Variants in SUCLG1 observed in about 807,000 individuals in gnomAD.
The protein encoded by SUCLG1 is succinate--CoA ligase [ADP/GDP-forming] subunit alpha, mitochondrial.
A neutral mutation model predicts 37.3 loss-of-function variants in SUCLG1; 26 were observed. The ratio of observed to expected loss-of-function variants is 0.70; its 90% CI spans 0.51 to 0.97. The LOEUF (loss-of-function observed/expected upper bound fraction) is 0.97, where lower values mean the gene tolerates loss of function less well. Among genes scored for constraint, SUCLG1 ranks in the 50% least tolerant of loss-of-function variants. The probability of loss-of-function intolerance (pLI) is 0.00; values close to 1 mark genes in which losing one functional copy is unlikely to be tolerated. For missense variants in SUCLG1, 433 were observed against 432.9 expected (o/e 1.00, Z 0.00); for synonymous variants, 163 against 155.6 (o/e 1.05, Z -0.36).
chr2:84,444,590 G>A (rs1672821181), intron 2 of SUCLG1, among the ~76,000 whole-genome samples: 1 of 152,176 alleles, frequency 6.6e-6, no homozygotes, highest in African/African-American at 2.4e-5. Flanking sequence ...AGCACGCATT[G>A]CATTGATAAT....
intron 5 of SUCLG1, among the ~76,000 whole-genome samples, chr2:84,437,159 T>C (rs1672699877): frequency 6.6e-6 from 1 of 152,216 alleles, no homozygotes; most frequent in African/African-American, 2.4e-5. Flanking sequence ...ATTGAGAAGA[T>C]TAGGTGGATA....
intron 2 of SUCLG1, among the ~76,000 whole-genome samples, chr2:84,446,956 T>C (rs551668897): frequency 7.9e-5 from 12 of 152,282 alleles, no homozygotes; most frequent in Middle Eastern, 3.4e-3. Flanking sequence ...CCTAAAGTAG[T>C]GCTAAACAGG....
At position 84,433,355 on chromosome 2, in the gene SUCLG1, C is replaced by T. The variant is rs533146473; in HGVS notation, c.670G>A (p.Val224Ile). Residue 224 changes from valine (V) to isoleucine (I), a missense_variant, in exon 6 of 9, where the codon GTT becomes ATT. Physicochemically the swap from Val to Ile is conservative, Grantham distance 29. Transcript: ENST00000393868. ...GATTTTAGCAAAAGTCCCTCACCAACGCACAAAGACTGCCCCAATCCAACT... is the reference window on the plus strand; with the variant it reads ...GATTTTAGCAAAAGTCCCTCACCAATGCACAAAGACTGCCCCAATCCAACT... ...TQVGLGQSLC[V>I]GIGGDPFNGT... is the part of the protein sequence containing the mutation. 1.1e-5 allele frequency: 18 copies of T among 1,613,832 alleles called. No individual in the cohort carries two copies. The highest frequency in any genetic ancestry group is 1.1e-4 in the East Asian group (5 of 44,868).
chr2:84,453,437 C>T (rs1313812227), intron 1 of SUCLG1, among the ~76,000 whole-genome samples: 3 of 149,176 alleles, frequency 2.0e-5, no homozygotes, highest in African/African-American at 4.9e-5. Flanking sequence ...TTTTTTGAGA[C>T]GTTGTTTTAC....
At chr2:84,445,954 C>T (rs988198092) in intron 2 of SUCLG1, among the ~76,000 whole-genome samples, 2 of 152,252 alleles carry the variant, frequency 1.3e-5, no homozygotes, top group Admixed American at 6.5e-5. Flanking sequence ...ATCAGAATCC[C>T]GTACCTGCCT....
In SUCLG1 at chr2:84,453,699, G is replaced by A. The variant is rs376858958; in HGVS notation, c.98-3947C>T. On this transcript the variant is annotated intron_variant, in intron 1 of 8. Transcript: ENST00000393868. ...CCCAAAGTGCTGGGATTACAGGCAGGAGCCACCATGCCCAGCCGAAAATAA... is the reference window on the plus strand; with the variant it reads ...CCCAAAGTGCTGGGATTACAGGCAGAAGCCACCATGCCCAGCCGAAAATAA... Among the ~76,000 whole-genome samples, 20 of 152,298 alleles carry A rather than the reference G, an allele frequency of 1.3e-4. No homozygotes were observed. In the East Asian group the frequency reaches 3.9e-3, roughly 29 times the overall value.
chr2:84,459,108 G>T (rs1673102575), intron 1 of SUCLG1, 65 bp downstream of exon 1: 1 of 1,488,304 alleles, frequency 6.7e-7, no homozygotes, highest in Admixed American at 2.1e-5. Context: ...GCCTGGGCCA[G>T]GAGGTTGGGT....
intron 3 of SUCLG1, 95 bp downstream of exon 3, chr2:84,443,189 C>T (rs1338103302): frequency 1.8e-6 from 2 of 1,100,484 alleles, no homozygotes; most frequent in Non-Finnish European, 2.8e-6. Flanking sequence ...TAGCAAGTGA[C>T]TCTACCAAAA....
At chr2:84,456,794 G>C (rs1673027649) in intron 1 of SUCLG1, among the ~76,000 whole-genome samples, 1 of 152,154 alleles carries the variant, frequency 6.6e-6, no homozygotes, top group African/African-American at 2.4e-5. Flanking sequence ...CTCCTGAGTA[G>C]CTGGGATTAC....
At position 84,448,183 on chromosome 2, in the gene SUCLG1, A is replaced by C. The variant is rs13010189; in HGVS notation, c.201+1466T>G. Among the ~76,000 whole-genome samples the C allele has an allele frequency of 4.1e-3, 570 of 138,102 alleles. 2 individuals carry two copies. Among genetic ancestry groups the C allele is most frequent in the Non-Finnish European group, 7.4e-3 (476 of 64,166 alleles). 90.6% of individuals were successfully genotyped at this position (138,102 alleles called of 152,430 possible). A position where few individuals can be genotyped will look rare whatever the true frequency, so the allele number is the denominator to read the frequency against. ...TCAGTTATTTCAGAAAAAAAAAAAAACAAAAAACAAAAAACAAAAAGCAAA... is the reference window on the plus strand; with the variant it reads ...TCAGTTATTTCAGAAAAAAAAAAAACCAAAAAACAAAAAACAAAAAGCAAA... On this transcript the variant is annotated intron_variant, in intron 2 of 8. Transcript: ENST00000393868.
chr2:84,441,812 C>T (rs1032185301), intron 3 of SUCLG1, among the ~76,000 whole-genome samples: 7 of 151,968 alleles, frequency 4.6e-5, no homozygotes, highest in African/African-American at 1.7e-4. Context: ...AAACTCTGTT[C>T]AAGATGATAA....
intron 6 of SUCLG1, 98 bp from the exon 7 acceptor site, chr2:84,431,757 C>T (rs1672617391): frequency 3.2e-6 from 4 of 1,251,836 alleles, no homozygotes; most frequent in Non-Finnish European, 3.4e-6. Flanking sequence ...TTTTTCTTAC[C>T]CTTCTCTCTT....
At chr2:84,433,062 C>T (rs946866228) in intron 6 of SUCLG1, 1 of 459,782 alleles carries the variant, frequency 2.2e-6, no homozygotes, top group African/African-American at 2.0e-5. Context: ...ATATAAGGAA[C>T]CATTTCTTCA....
At chr2:84,441,219 G>A in intron 4 of SUCLG1, 28 bp downstream of exon 4, 1 of 1,613,964 alleles carries the variant, frequency 6.2e-7, no homozygotes, top group Non-Finnish European at 8.5e-7. Context: ...GGCTTAATCT[G>A]AGTTTCTTTT....
intron 7 of SUCLG1, among the ~76,000 whole-genome samples, chr2:84,430,177 T>C (rs768766932): frequency 7.2e-5 from 11 of 152,132 alleles, no homozygotes; most frequent in Non-Finnish European, 1.5e-4. Context: ...AAACACAATG[T>C]CAGGAGAGTA....
chr2:84,455,792 C>A (rs577666215), intron 1 of SUCLG1, among the ~76,000 whole-genome samples: 13 of 147,580 alleles, frequency 8.8e-5, no homozygotes, highest in African/African-American at 3.3e-4. Flanking sequence ...GCAGAGATCA[C>A]GCCACTGCAC....
Position 84,423,647 on chromosome 2 carries a change from G to T in SUCLG1, c.*99C>A. On this transcript the variant is annotated 3_prime_UTR_variant, in exon 9 of 9. Coordinates refer to ENST00000393868, the MANE Select transcript of SUCLG1 (RefSeq NM_003849.4). Reference sequence around the variant, plus strand: ...AGTTGTACTGCAAGACCAGTGTCAGGCACATAGGCTGATTAATCAGTGGAC... The same window carrying T: ...AGTTGTACTGCAAGACCAGTGTCAGTCACATAGGCTGATTAATCAGTGGAC... The T allele has an allele frequency of 8.2e-7, 1 of 1,216,138 alleles. No homozygotes were observed. The highest frequency in any genetic ancestry group is 1.2e-6 in the Non-Finnish European group (1 of 838,112). The allele number at this position is 1,216,138 out of a possible 1,614,324, so 75.3% of individuals were successfully genotyped here.
rs183739979 is a variant in SUCLG1 at position 84,424,572 on chromosome 2, C to A, written c.1015-800G>T. Among the ~76,000 whole-genome samples, 222 of 152,274 alleles carry A rather than the reference C, an allele frequency of 1.5e-3. 1 individual carries two copies. Among genetic ancestry groups the A allele is most frequent in the Non-Finnish European group, 2.5e-3 (167 of 68,026 alleles). On this transcript the variant is annotated intron_variant, in intron 8 of 8. Transcript: ENST00000393868. ...ATCTCTAAGACAAGGGCAAAGAAGA[C>A]CACCAAATCAGGATTTTGAAATTCT...
At chr2:84,427,205 T>C (rs1302525299) in intron 7 of SUCLG1, among the ~76,000 whole-genome samples, 2 of 152,218 alleles carry the variant, frequency 1.3e-5, no homozygotes, top group Non-Finnish European at 2.9e-5. Context: ...CACACAGATA[T>C]GTAACTGGAA....
Sources: gnomAD v4.1 joint callset for allele counts (sites outside exome capture counted in the v4.1 genomes callset) on GRCh38, gnomAD v4.1.1 for gene constraint, MANE v1.5 for transcripts, NCBI Gene and HGNC (gene_info 2026-07-23, HGNC 2026-07-21) for gene names.